The following RGS5 variants were observed in gnomAD, a reference collection of about 807,000 sequenced individuals.
RGS5 encodes the protein regulator of G protein signaling 5, also known as regulator of G-protein signalling 5.
RGS5 carries 20 observed loss-of-function variants against 18.9 expected under a neutral mutation model. That is an observed-to-expected ratio of 1.06 (90% CI 0.74 to 1.54). The LOEUF is 1.54. Among genes scored for constraint, RGS5 ranks in the 40% most tolerant of loss-of-function variants. RGS5 has a pLI of 0.00. For missense variants in RGS5, 201 were observed against 211.8 expected (o/e 0.95, Z 0.32); for synonymous variants, 57 against 76.2 (o/e 0.75, Z 1.31).
upstream of RGS5, among the ~76,000 whole-genome samples, chr1:163,222,478 A>G (rs1647248705): frequency 6.6e-6 from 1 of 152,142 alleles, no homozygotes; most frequent in African/African-American, 2.4e-5. Flanking sequence ...CCTGACCTCC[A>G]TAAGCCACCA....
chr1:163,168,582 G>A (rs1020053098), intron 1 of RGS5, among the ~76,000 whole-genome samples: 2 of 152,180 alleles, frequency 1.3e-5, no homozygotes, highest in Middle Eastern at 3.4e-3. Flanking sequence ...TCATTAATTT[G>A]CACTACATTT....
At chr1:163,228,939 A>G (rs1013919614) in intron 2 of RGS5, among the ~76,000 whole-genome samples, 1 of 152,176 alleles carries the variant, frequency 6.6e-6, no homozygotes, top group Non-Finnish European at 1.5e-5. Context: ...TGTCCACATC[A>G]CTATCAGCAT....
chr1:163,259,897 A>AGGTACTGG (rs1428892324), intron 2 of RGS5: 11 of 151,142 alleles, frequency 7.3e-5, no homozygotes, highest in Non-Finnish European at 1.5e-5. Flanking sequence ...TGAGGTACTG[A>AGGTACTGG]GGTAACATAC....
intron 2 of RGS5, among the ~76,000 whole-genome samples, chr1:163,274,972 G>A (rs570184583): frequency 5.9e-5 from 9 of 152,118 alleles, no homozygotes; most frequent in African/African-American, 1.7e-4. Flanking sequence ...AAGAGTTAGC[G>A]GGGCATGGTA....
intron 2 of RGS5, among the ~76,000 whole-genome samples, chr1:163,266,940 T>C (rs929607280): frequency 3.3e-5 from 5 of 152,098 alleles, no homozygotes; most frequent in African/African-American, 1.2e-4. Context: ...AATATCATAT[T>C]ATAAAAAATA....
intron 2 of RGS5, 116 bp downstream of exon 2, chr1:163,168,142 T>A: frequency 1.4e-6 from 1 of 719,874 alleles, no homozygotes. Flanking sequence ...TGAGGGCTCT[T>A]ATGATCCTTA....
intron 4 of RGS5, 55 bp downstream of exon 4, chr1:163,152,495 C>A (rs768087527): frequency 3.8e-5 from 58 of 1,524,226 alleles, no homozygotes; most frequent in Non-Finnish European, 4.9e-5. Flanking sequence ...AGATGTAAAT[C>A]CTTCCTGAGA....
chr1:163,146,791 G>A lies in RGS5; in HGVS notation c.*551C>T, dbSNP rs1657145839. On this transcript the variant is annotated 3_prime_UTR_variant, in exon 5 of 5. Coordinates refer to ENST00000313961, the MANE Select transcript of RGS5 (RefSeq NM_003617.4). ...CAACTAACATGAAGGTGGTCCAAGG[G>A]AAGGATCAATATTTTAAATAACATA... is the stretch of plus-strand genomic sequence containing the variant. 6.6e-6 allele frequency: 1 copy of A among 152,086 alleles called. No individual in the cohort carries two copies. The highest frequency in any genetic ancestry group is 2.1e-4 in the South Asian group (1 of 4,814). 9.4% of individuals were successfully genotyped at this position (152,086 alleles called of 1,614,324 possible).
chr1:163,312,817 A>G (rs1649905449), intron 1 of RGS5, among the ~76,000 whole-genome samples: 1 of 152,182 alleles, frequency 6.6e-6, no homozygotes, highest in Non-Finnish European at 1.5e-5. Flanking sequence ...TGGTTGTGAA[A>G]ACACAGGGTC....
chr1:163,162,432 A>C (rs1423109873), intron 2 of RGS5, among the ~76,000 whole-genome samples: 1 of 152,196 alleles, frequency 6.6e-6, no homozygotes, highest in Non-Finnish European at 1.5e-5. Flanking sequence ...CCACATCCAC[A>C]TCCCAAAGCT....
chr1:163,176,585 C>T (rs1658569191), intron 1 of RGS5, among the ~76,000 whole-genome samples: 1 of 148,388 alleles, frequency 6.7e-6, no homozygotes, highest in Admixed American at 6.8e-5. Context: ...CACGCCATTG[C>T]ACTCCAGTCT....
chr1:163,270,258 T>C (rs1388973187), intron 2 of RGS5, among the ~76,000 whole-genome samples: 1 of 148,880 alleles, frequency 6.7e-6, no homozygotes, highest in Non-Finnish European at 1.5e-5. Context: ...ACACCTGTAA[T>C]CCCAGCACTT....
At chr1:163,264,873 G>C (rs761893967) in intron 2 of RGS5, among the ~76,000 whole-genome samples, 4 of 151,978 alleles carry the variant, frequency 2.6e-5, no homozygotes, top group Non-Finnish European at 5.9e-5. Flanking sequence ...GATCCATGAT[G>C]AATCTCCTAC....
intron 3 of RGS5, among the ~76,000 whole-genome samples, chr1:163,158,990 T>G (rs1657694786): frequency 1.3e-5 from 2 of 152,172 alleles, no homozygotes; most frequent in African/African-American, 4.8e-5. Flanking sequence ...TTCTCAGGGA[T>G]GTTCCTAGCT....
At chr1:163,316,281 T>C (rs918469389) in intron 1 of RGS5, among the ~76,000 whole-genome samples, 2 of 152,212 alleles carry the variant, frequency 1.3e-5, no homozygotes, top group Non-Finnish European at 2.9e-5. Flanking sequence ...TATGAAACAT[T>C]AGGCAGGTAT....
intron 2 of RGS5, among the ~76,000 whole-genome samples, chr1:163,224,133 A>G (rs975341381): frequency 1.3e-5 from 2 of 152,050 alleles, no homozygotes; most frequent in African/African-American, 4.8e-5. Context: ...TAGTCACCCT[A>G]CTGTGCAATA....
At chr1:163,321,335 C>A (rs527965259) in intron 1 of RGS5, 1 of 152,290 alleles carries the variant, frequency 6.6e-6, no homozygotes, top group South Asian at 2.1e-4. Flanking sequence ...GAGGATTTGA[C>A]CAGATGAACT....
chr1:163,227,664 T>C (rs530017759), intron 2 of RGS5, among the ~76,000 whole-genome samples: 1 of 151,658 alleles, frequency 6.6e-6, no homozygotes, highest in South Asian at 2.1e-4. Flanking sequence ...CTTAATTCAT[T>C]CTAGCATTCA....
At chr1:163,267,382 T>C (rs1169717911) in intron 2 of RGS5, 2 of 152,158 alleles carry the variant, frequency 1.3e-5, no homozygotes, top group African/African-American at 4.8e-5. Flanking sequence ...CCACTCAGTC[T>C]ATAGTGTTTT....
Sources: allele counts gnomAD v4.1 joint callset (sites outside exome capture counted in the v4.1 genomes callset), GRCh38; gene constraint gnomAD v4.1.1; transcripts MANE v1.5; gene names NCBI Gene and HGNC (gene_info 2026-07-23, HGNC 2026-07-21).